TASOR: variants seen among roughly 807,000 people sequenced by gnomAD.
TASOR encodes protein TASOR.
TASOR carries 53 observed loss-of-function variants against 178.6 expected under a neutral mutation model. That is an observed-to-expected ratio of 0.30 (90% CI 0.24 to 0.37). TASOR has a LOEUF of 0.37. TASOR is among the 10% of genes least tolerant of loss of function. TASOR has a pLI of 1.00. For synonymous variants in TASOR, 713 were observed against 696.2 expected (o/e 1.02, Z -0.38); for missense variants, 1,815 against 1,971.4 (o/e 0.92, Z 1.50).
At chr3:56,654,168 G>A (rs2077419821) in intron 11 of TASOR, among the ~76,000 whole-genome samples, 1 of 152,112 alleles carries the variant, frequency 6.6e-6, no homozygotes, top group Admixed American at 6.5e-5. Flanking sequence ...TTGGGAGGCT[G>A]AGGCAGGAGA....
At chr3:56,634,171 T>C (rs914856094) in intron 17 of TASOR, among the ~76,000 whole-genome samples, 3 of 152,224 alleles carry the variant, frequency 2.0e-5, no homozygotes, top group African/African-American at 7.2e-5. Context: ...TTGTAGCTAG[T>C]GTTAACAACT....
At chr3:56,625,905 A>C (rs2076789031) in intron 21 of TASOR, among the ~76,000 whole-genome samples, 1 of 152,100 alleles carries the variant, frequency 6.6e-6, no homozygotes, top group African/African-American at 2.4e-5. Flanking sequence ...TACAGGCGTA[A>C]GCCACCGTGC....
At chr3:56,625,108 A>C in intron 21 of TASOR, 102 bp from the exon 22 acceptor site, 2 of 1,029,068 alleles carry the variant, frequency 1.9e-6, no homozygotes, top group African/African-American at 1.6e-5. Flanking sequence ...GAGGCAACTA[A>C]TGACAACTGC....
At chr3:56,657,681 A>T (rs1479127971) in intron 11 of TASOR, among the ~76,000 whole-genome samples, 1 of 152,184 alleles carries the variant, frequency 6.6e-6, no homozygotes, top group East Asian at 1.9e-4. Flanking sequence ...GACTATGGAG[A>T]TCTCCCTAAG....
Position 56,628,633 on chromosome 3 carries a change from T to TAA in TASOR, c.3748-21_3748-20dup. 1 of 1,469,352 alleles carries TAA rather than the reference T, an allele frequency of 6.8e-7. No individual in the cohort carries two copies. Among genetic ancestry groups the TAA allele is most frequent in the Non-Finnish European group, 9.3e-7 (1 of 1,073,738 alleles). 91.0% of individuals were successfully genotyped at this position (1,469,352 alleles called of 1,614,324 possible). A position where few individuals can be genotyped will look rare whatever the true frequency, so the allele number is the denominator to read the frequency against. ...GATATTCCTGTTAAAGAAAAACAAC[T>TAA]AAATCAATATTAAAATACTTCTTTG... On this transcript the variant is annotated intron_variant, in intron 18 of 23. Coordinates refer to ENST00000683822, the MANE Select transcript of TASOR (RefSeq NM_001365635.2).
intron 15 of TASOR, 146 bp from the exon 16 acceptor site, chr3:56,640,276 T>G (rs763526172): frequency 2.2e-5 from 15 of 672,280 alleles, no homozygotes; most frequent in Non-Finnish European, 3.4e-5. Context: ...TACTCTAGTT[T>G]CAAAATTAAA....
chr3:56,682,540 C>T lies in TASOR; in HGVS notation c.331+136G>A, dbSNP rs1319228038. ...AAACGCGGCAGCTGGGCGGCCGTGG[C>T]GGTGAGGGGAGAGGCGGCCGGCGCT... On this transcript the variant is annotated intron_variant, in intron 1 of 23. Transcript: ENST00000683822. 4 of 786,160 alleles carry T rather than the reference C, an allele frequency of 5.1e-6. No individual in the cohort carries two copies. The East Asian group carries it at 1.3e-4, about 25-fold the overall frequency. The allele number at this position is 786,160 out of a possible 1,614,324, so 48.7% of individuals were successfully genotyped here.
chr3:56,662,541 A>C (rs1294456593), intron 8 of TASOR, 51 bp from the exon 9 acceptor site: 1 of 849,266 alleles, frequency 1.2e-6, no homozygotes, highest in Non-Finnish European at 1.8e-6. Flanking sequence ...CAGCCCAGAG[A>C]AGTGAGTGCA....
At chr3:56,671,312 C>T (rs752268128) in intron 3 of TASOR, 2 of 220,416 alleles carry the variant, frequency 9.1e-6, no homozygotes, top group African/African-American at 2.3e-5. Context: ...GCACTCCAGC[C>T]TGGGTGACAG....
Position 56,682,767 on chromosome 3 carries a change from C to T in TASOR, c.240G>A (p.Ala80=). Residue 80 remains alanine (A), a synonymous_variant, in exon 1 of 24, where the codon GCG becomes GCA. Coordinates refer to ENST00000683822, the MANE Select transcript of TASOR (RefSeq NM_001365635.2). ...SHEQPQDSSE[A]GAAALPRGPE... ...GGCCTCTGGGCAGGGCGGCCGCGCC[C>T]GCCTCAGAGGAGTCCTGAGGCTGCT... 6.5e-7 allele frequency: 1 copy of T among 1,541,426 alleles called. No individual in the cohort carries two copies. Among genetic ancestry groups the T allele is most frequent in the Non-Finnish European group, 8.8e-7 (1 of 1,141,358 alleles).
chr3:56,620,430 C>G lies in TASOR; in HGVS notation c.*2607G>C, dbSNP rs1452568349. ...AAAACAAACAGGTAACATCCTTACA[C>G]CTTTGCTCCATCCCTTGGGCTTTAA... On this transcript the variant is annotated 3_prime_UTR_variant, in exon 24 of 24. Coordinates refer to ENST00000683822, the MANE Select transcript of TASOR (RefSeq NM_001365635.2). 6.5e-6 allele frequency: 1 copy of G among 152,748 alleles called. No homozygotes were observed. The highest frequency in any genetic ancestry group is 1.5e-5 in the Non-Finnish European group (1 of 68,460). The allele number at this position is 152,748 out of a possible 1,614,324, so 9.5% of individuals were successfully genotyped here.
At chr3:56,674,380 CATG>C (rs1235824540) in intron 1 of TASOR, among the ~76,000 whole-genome samples, 3 of 150,928 alleles carry the variant, frequency 2.0e-5, no homozygotes, top group Non-Finnish European at 4.4e-5. Context: ...CATGGTGGTG[CATG>C]CCTGTAGTAC....
At chr3:56,680,201 T>C (rs545705557) in intron 1 of TASOR, among the ~76,000 whole-genome samples, 1 of 152,320 alleles carries the variant, frequency 6.6e-6, no homozygotes, top group African/African-American at 2.4e-5. Context: ...CTGTGTGACC[T>C]GAAGCAAGTT....
chr3:56,652,585 T>A (rs1485490159), intron 11 of TASOR, among the ~76,000 whole-genome samples: 3 of 151,008 alleles, frequency 2.0e-5, no homozygotes, highest in Non-Finnish European at 4.4e-5. Context: ...GCTAAAATGG[T>A]TAATTTTATG....
intron 17 of TASOR, among the ~76,000 whole-genome samples, chr3:56,636,122 G>A (rs2077010550): frequency 6.6e-6 from 1 of 151,686 alleles, no homozygotes; most frequent in South Asian, 2.1e-4. Flanking sequence ...TGGCCAACAT[G>A]GTGAAACCTC....
chr3:56,625,089 T>G, intron 21 of TASOR, 83 bp from the exon 22 acceptor site: 1 of 1,356,650 alleles, frequency 7.4e-7, no homozygotes, highest in South Asian at 1.3e-5. Context: ...AAAATTCAAT[T>G]TCTCCACTGA....
Position 56,621,583 on chromosome 3 carries a change from GA to G in TASOR, c.*1453del. Reference sequence around the variant, plus strand: ...GGAAAGTAGTCTCCTGCCTTTAGCTGAAAATCAAGAAGAGAGTTTTGGTTCT... The same window carrying G: ...GGAAAGTAGTCTCCTGCCTTTAGCTGAAATCAAGAAGAGAGTTTTGGTTCT... On this transcript the variant is annotated 3_prime_UTR_variant, in exon 24 of 24. Coordinates refer to ENST00000683822, the MANE Select transcript of TASOR (RefSeq NM_001365635.2). The G allele has an allele frequency of 6.2e-7, 1 of 1,600,536 alleles. No homozygotes were observed. Among genetic ancestry groups the G allele is most frequent in the African/African-American group, 1.3e-5 (1 of 74,522 alleles).
chr3:56,636,278 T>C (rs6445806), intron 17 of TASOR, among the ~76,000 whole-genome samples: 55,914 of 143,656 alleles, frequency 0.39, 10,862 homozygotes, highest in East Asian at 0.67. Context: ...CAAGATTCTG[T>C]TGCAAAAAAA....
Position 56,633,845 on chromosome 3 carries a change from T to C in TASOR, c.2946A>G (p.Thr982=). The change falls in exon 18 of 24, where the codon ACA becomes ACG. Residue 982 remains threonine (T), a synonymous_variant. Coordinates refer to ENST00000683822, the MANE Select transcript of TASOR (RefSeq NM_001365635.2). ...CCTCAGTGGTGCCCTTTAGTGTGTC[T>C]GTAAATGGAGAGGATGGAAACTGGT... ...SDYQFPSSPF[T]DTLKGTTEDD... is the part of the protein sequence containing the mutation. 1 of 1,613,882 alleles carries C rather than the reference T, an allele frequency of 6.2e-7. No homozygotes were observed. The highest frequency in any genetic ancestry group is 8.5e-7 in the Non-Finnish European group (1 of 1,179,902).
Sources: allele counts gnomAD v4.1 joint callset (sites outside exome capture counted in the v4.1 genomes callset), GRCh38; gene constraint gnomAD v4.1.1; transcripts MANE v1.5; gene names NCBI Gene and HGNC (gene_info 2026-07-23, HGNC 2026-07-21).